Variants in SYCP2L observed in about 807,000 individuals in gnomAD.
The protein encoded by SYCP2L is synaptonemal complex protein 2 like, also known as synaptonemal complex protein 2-like.
SYCP2L carries 98 observed loss-of-function variants against 125.8 expected under a neutral mutation model. The ratio of observed to expected loss-of-function variants is 0.78; its 90% confidence interval spans 0.66 to 0.92. The LOEUF (loss-of-function observed/expected upper bound fraction) is 0.92, where lower values mean the gene tolerates loss of function less well. Among genes scored for constraint, SYCP2L ranks in the 40% least tolerant of loss-of-function variants. The pLI is 0.00. For missense variants in SYCP2L, 842 were observed against 936.4 expected (o/e 0.90, Z 1.32); for synonymous variants, 317 against 325.4 (o/e 0.97, Z 0.28).
chr6:10,926,045 C>T (rs529888579), intron 15 of SYCP2L, among the ~76,000 whole-genome samples: 15 of 152,062 alleles, frequency 9.9e-5, no homozygotes, highest in South Asian at 8.3e-4. Context: ...AGAGAAGCAG[C>T]GGTTAGACGT....
intron 29 of SYCP2L, among the ~76,000 whole-genome samples, chr6:10,968,761 G>C (rs1004283324): frequency 6.6e-6 from 1 of 152,166 alleles, no homozygotes; most frequent in Non-Finnish European, 1.5e-5. Flanking sequence ...GTGAGGGTGT[G>C]GGGGATGATG....
intron 2 of SYCP2L, among the ~76,000 whole-genome samples, chr6:10,892,589 C>T (rs948561694): frequency 1.5e-4 from 23 of 151,974 alleles, no homozygotes; most frequent in African/African-American, 4.3e-4. Context: ...GTGAGCCCTG[C>T]GCCTGGTAAT....
At chr6:10,888,909 T>A (rs1780128523) in intron 1 of SYCP2L, among the ~76,000 whole-genome samples, 1 of 152,196 alleles carries the variant, frequency 6.6e-6, no homozygotes, top group East Asian at 1.9e-4. Context: ...TCACCCAGGC[T>A]GGAGCGCAGT....
chr6:10,897,410 C>CTT (rs5874295), intron 4 of SYCP2L, among the ~76,000 whole-genome samples: 3 of 129,856 alleles, frequency 2.3e-5, no homozygotes, highest in African/African-American at 8.4e-5. Context: ...TCACTTATCT[C>CTT]TTTTTTTTTT....
chr6:10,887,099 G>C lies in SYCP2L; in HGVS notation c.-28G>C, dbSNP rs1561676379. The C allele has an allele frequency of 8.1e-6, 13 of 1,614,062 alleles. No individual in the cohort carries two copies. Among genetic ancestry groups the C allele is most frequent in the Non-Finnish European group, 1.1e-5 (13 of 1,179,956 alleles). On this transcript the variant is annotated 5_prime_UTR_variant, in exon 1 of 30. Coordinates refer to ENST00000283141, the MANE Select transcript of SYCP2L (RefSeq NM_001040274.3). ...CGAGCGCAACAAAGCTGAGCGGCGC[G>C]TCGCTTCAGGAACGAAGAAGCCTCG...
At chr6:10,931,372 C>A in intron 19 of SYCP2L, 68 bp from the exon 20 acceptor site, 1 of 1,483,656 alleles carries the variant, frequency 6.7e-7, no homozygotes, top group South Asian at 1.1e-5. Context: ...TATTGGGAGA[C>A]GGAGTAGAGA....
chr6:10,918,661 C>T (rs1404357660), intron 14 of SYCP2L, among the ~76,000 whole-genome samples: 7 of 151,950 alleles, frequency 4.6e-5, no homozygotes, highest in South Asian at 2.1e-4. Context: ...CTCAGCCTCC[C>T]GAGTAGCTGG....
chr6:10,962,402 A>G (rs1428052089), intron 28 of SYCP2L, among the ~76,000 whole-genome samples: 1 of 147,002 alleles, frequency 6.8e-6, no homozygotes, highest in Non-Finnish European at 1.5e-5. Flanking sequence ...CATTTCCACA[A>G]TCCCTCACAC....
intron 29 of SYCP2L, among the ~76,000 whole-genome samples, chr6:10,966,063 A>G (rs577862468): frequency 2.0e-5 from 3 of 152,314 alleles, no homozygotes; most frequent in African/African-American, 7.2e-5. Flanking sequence ...CAGTGGGCTG[A>G]AGTCATGCCA....
intron 4 of SYCP2L, among the ~76,000 whole-genome samples, chr6:10,895,425 T>C (rs930502036): frequency 3.3e-5 from 5 of 152,170 alleles, no homozygotes; most frequent in African/African-American, 1.2e-4. Flanking sequence ...CTAATTCCGG[T>C]TGGCTAAACA....
intron 14 of SYCP2L, among the ~76,000 whole-genome samples, chr6:10,919,066 T>G (rs1204904838): frequency 2.0e-5 from 3 of 152,204 alleles, no homozygotes; most frequent in Admixed American, 1.3e-4. Flanking sequence ...CCTGAATTCT[T>G]TTTCAGGTAC....
At chr6:10,904,690 A>G (rs1021801263) in intron 8 of SYCP2L, among the ~76,000 whole-genome samples, 2 of 152,212 alleles carry the variant, frequency 1.3e-5, no homozygotes, top group Admixed American at 6.5e-5. Flanking sequence ...ACCTGCAAGT[A>G]TAAAATTAAG....
chr6:10,907,538 C>G lies in SYCP2L; in HGVS notation c.677-4C>G, dbSNP rs1780519100. 1 of 1,608,402 alleles carries G rather than the reference C, an allele frequency of 6.2e-7. No homozygotes were observed. The highest frequency in any genetic ancestry group is 1.3e-5 in the African/African-American group (1 of 74,708). The stretch of plus-strand genomic sequence containing the variant: ...TCTATGTCTACTATGTTTTTAATCT[C>G]TAGATTATGACCAGCAGGTTGCTAT... On this transcript the variant is annotated splice_polypyrimidine_tract_variant and splice_region_variant and intron_variant, in intron 9 of 29. Transcript: ENST00000283141.
chr6:10,911,433 G>A (rs576027536), intron 12 of SYCP2L, among the ~76,000 whole-genome samples: 1 of 152,220 alleles, frequency 6.6e-6, no homozygotes, highest in African/African-American at 2.4e-5. Flanking sequence ...TTGGAAGCTT[G>A]ACTTTGTTTG....
At chr6:10,940,090 C>T (rs1438314520) in intron 21 of SYCP2L, among the ~76,000 whole-genome samples, 1 of 152,038 alleles carries the variant, frequency 6.6e-6, no homozygotes, top group African/African-American at 2.4e-5. Context: ...TATATGTACT[C>T]AACATCACTG....
chr6:10,967,555 G>GT (rs1781703924), intron 29 of SYCP2L, among the ~76,000 whole-genome samples: 1 of 149,706 alleles, frequency 6.7e-6, no homozygotes, highest in East Asian at 2.0e-4. Context: ...ATGCAAGGAT[G>GT]GTTTAACATT....
intron 1 of SYCP2L, among the ~76,000 whole-genome samples, chr6:10,889,869 C>A (rs1780146085): frequency 6.6e-6 from 1 of 152,050 alleles, no homozygotes; most frequent in Admixed American, 6.6e-5. Context: ...ATCCACCCAC[C>A]TCGGCCACCC....
In SYCP2L at chr6:10,930,366, G is replaced by A; in HGVS notation, c.1489-4G>A. ...AAATTCTCATTTATGATCTGTGCTT[G>A]TAGAAGTCTCATTACAGAAAACATC... On this transcript the variant is annotated splice_polypyrimidine_tract_variant and splice_region_variant and intron_variant, in intron 18 of 29. Coordinates refer to ENST00000283141, the MANE Select transcript of SYCP2L (RefSeq NM_001040274.3). 1 of 1,611,208 alleles carries A rather than the reference G, an allele frequency of 6.2e-7. No individual in the cohort carries two copies. The highest frequency in any genetic ancestry group is 8.5e-7 in the Non-Finnish European group (1 of 1,179,132).
chr6:10,896,771 G>A (rs1581815643), intron 4 of SYCP2L, among the ~76,000 whole-genome samples: 1 of 152,340 alleles, frequency 6.6e-6, no homozygotes, highest in African/African-American at 2.4e-5. Context: ...AAACTCAGGT[G>A]GGGGTGTATC....
Sources: gnomAD v4.1 joint callset for allele counts (sites outside exome capture counted in the v4.1 genomes callset) on GRCh38, gnomAD v4.1.1 for gene constraint, MANE v1.5 for transcripts, NCBI Gene and HGNC (gene_info 2026-07-23, HGNC 2026-07-21) for gene names.